The following SPG7 variants were observed in gnomAD, a reference collection of about 807,000 sequenced individuals.
The protein encoded by SPG7 is SPG7 matrix AAA peptidase subunit, paraplegin.
SPG7 carries 103 observed loss-of-function variants against 81.9 expected under a neutral mutation model. The observed-to-expected ratio is 1.26, with a 90% CI of 1.07 to 1.48. The LOEUF is 1.48. Ranked by LOEUF, SPG7 falls within the 40% of genes most tolerant of loss-of-function variation. The pLI, the probability that SPG7 is intolerant of heterozygous loss-of-function variation, is 0.00. For missense variants in SPG7, 1,241 were observed against 1,087.3 expected (o/e 1.14, Z -1.99); for synonymous variants, 534 against 444.2 (o/e 1.20, Z -2.54).
intron 9 of SPG7, among the ~76,000 whole-genome samples, chr16:89,534,661 G>A (rs1307491320): frequency 6.6e-6 from 1 of 152,220 alleles, no homozygotes; most frequent in Non-Finnish European, 1.5e-5. Context: ...TCAGCTAAGG[G>A]GGAGCTTGCT....
intron 1 of SPG7, among the ~76,000 whole-genome samples, chr16:89,509,791 T>C (rs1258851260): frequency 2.1e-5 from 3 of 143,320 alleles, no homozygotes; most frequent in Non-Finnish European, 3.1e-5. Flanking sequence ...TTCTTCTTTT[T>C]TTTTTTTTTT....
intron 6 of SPG7, 46 bp from the exon 7 acceptor site, chr16:89,530,637 T>C (rs746582545): frequency 1.5e-5 from 25 of 1,613,640 alleles, no homozygotes; most frequent in Middle Eastern, 1.7e-4. Flanking sequence ...GTGCTGCTGA[T>C]TTCCTGACTT....
At chr16:89,533,948 G>A (rs2058380010) in intron 9 of SPG7, among the ~76,000 whole-genome samples, 1 of 152,154 alleles carries the variant, frequency 6.6e-6, no homozygotes, top group Non-Finnish European at 1.5e-5. Context: ...GCTGTGCGAT[G>A]GTCTCGCCTG....
intron 3 of SPG7, chr16:89,522,947 A>C (rs977196572): frequency 2.2e-4 from 33 of 152,750 alleles, no homozygotes; most frequent in Non-Finnish European, 3.8e-4. Flanking sequence ...AGAGTGAGTG[A>C]GCGCCCGCTG....
rs778387199 is a variant in SPG7 at position 89,550,593 on chromosome 16, C to A, written c.1763C>A (p.Thr588Lys). The change falls in exon 13 of 17, where the codon ACG (threonine) becomes AAG (lysine). Residue 588 changes from threonine to lysine, a missense_variant. By Grantham distance (78) the Thr-to-Lys change is moderately conservative. Transcript: ENST00000645818. ...HALVGWMLEHTEAVMKVSITP... is the reference protein window; with the variant it reads ...HALVGWMLEHKEAVMKVSITP... ...TTGGTGGGCTGGATGCTGGAGCACACGGAGGCCGTGATGAAGGTGGGTCTT... is the reference window on the plus strand; with the variant it reads ...TTGGTGGGCTGGATGCTGGAGCACAAGGAGGCCGTGATGAAGGTGGGTCTT... 1 of 1,613,036 alleles carries A rather than the reference C, an allele frequency of 6.2e-7. No individual in the cohort carries two copies. The highest frequency in any genetic ancestry group is 1.7e-5 in the Admixed American group (1 of 60,026).
intron 6 of SPG7, 142 bp from the exon 7 acceptor site, chr16:89,530,541 C>G (rs2058327247): frequency 1.1e-6 from 1 of 899,232 alleles, no homozygotes; most frequent in East Asian, 2.4e-5. Context: ...TGAGCCTCGT[C>G]AGCCTGACAT....
chr16:89,536,575 G>A (rs1291541797), intron 9 of SPG7, among the ~76,000 whole-genome samples: 2 of 144,656 alleles, frequency 1.4e-5, no homozygotes, highest in Non-Finnish European at 3.0e-5. Context: ...GTGAGGTCAG[G>A]TGAGGCGGGT....
At chr16:89,547,013 T>C in intron 11 of SPG7, 1 of 463,660 alleles carries the variant, frequency 2.2e-6, no homozygotes. Flanking sequence ...TTTCCAGAGA[T>C]AGTGGAGTTA....
At chr16:89,544,320 G>A (rs186358009) in intron 9 of SPG7, 4 of 375,136 alleles carry the variant, frequency 1.1e-5, no homozygotes, top group Admixed American at 7.4e-5. Context: ...CAGGGCGGTG[G>A]GGGGTGGGGG....
chr16:89,528,425 G>T (rs1021466158), intron 5 of SPG7, among the ~76,000 whole-genome samples: 5 of 151,050 alleles, frequency 3.3e-5, no homozygotes, highest in African/African-American at 1.2e-4. Context: ...GAAGATGGAG[G>T]TTTGGGGCAG....
At chr16:89,523,932 G>A (rs1015336330) in intron 3 of SPG7, 74 bp from the exon 4 acceptor site, 13 of 1,588,458 alleles carry the variant, frequency 8.2e-6, no homozygotes, top group Non-Finnish European at 1.1e-5. Context: ...GAGCTTTCCT[G>A]AGGAAGCTCT....
chr16:89,532,805 C>G (rs375562164), intron 9 of SPG7, 169 bp downstream of exon 9: 1 of 809,090 alleles, frequency 1.2e-6, no homozygotes, highest in Non-Finnish European at 2.0e-6. Flanking sequence ...GCTTTCAGAC[C>G]CGGCGCAGTG....
chr16:89,512,821 T>G, intron 2 of SPG7, 127 bp from the exon 3 acceptor site: 1 of 870,102 alleles, frequency 1.1e-6, no homozygotes, highest in Non-Finnish European at 1.9e-6. Context: ...ATAAATCTTA[T>G]GGATATAAGT....
chr16:89,532,804 C>T, intron 9 of SPG7, 168 bp downstream of exon 9: 1 of 827,374 alleles, frequency 1.2e-6, no homozygotes, highest in Admixed American at 2.1e-5. Flanking sequence ...AGCTTTCAGA[C>T]CCGGCGCAGT....
At chr16:89,524,864 C>T (rs963744536) in intron 4 of SPG7, among the ~76,000 whole-genome samples, 1 of 151,920 alleles carries the variant, frequency 6.6e-6, no homozygotes, top group Admixed American at 6.6e-5. Context: ...GGCCCACCCC[C>T]GGGTCTGGAA....
intron 10 of SPG7, 29 bp downstream of exon 10, chr16:89,544,801 C>A: frequency 6.2e-7 from 1 of 1,613,396 alleles, no homozygotes; most frequent in Non-Finnish European, 8.5e-7. Flanking sequence ...GCCTCTCCCA[C>A]TCCACCTGGG....
In SPG7 at chr16:89,557,529, G is replaced by GGCGACCA; in HGVS notation, c.*436_*437insGCGACCA. The GGCGACCA allele has an allele frequency of 6.3e-5, 14 of 223,480 alleles. No homozygotes were observed. Among genetic ancestry groups the GGCGACCA allele is most frequent in the Admixed American group, 1.6e-4 (3 of 19,112 alleles). 13.8% of individuals were successfully genotyped at this position (223,480 alleles called of 1,614,324 possible). On this transcript the variant is annotated 3_prime_UTR_variant, in exon 17 of 17. Transcript: ENST00000645818. ...GATCGGACATGAAAGGACCCTGTGAGCCGATTGTCCTATCTCCAGCGGCCC... is the reference window on the plus strand; with the variant it reads ...GATCGGACATGAAAGGACCCTGTGAGGCGACCACCGATTGTCCTATCTCCAGCGGCCC...
At chr16:89,556,812 T>C in intron 16 of SPG7, 75 bp from the exon 17 acceptor site, 1 of 1,239,448 alleles carries the variant, frequency 8.1e-7, no homozygotes, top group Non-Finnish European at 1.2e-6. Context: ...CTCACGCCTC[T>C]TGCCACCTCC....
chr16:89,516,379 TAAA>T (rs1168219947), intron 3 of SPG7, among the ~76,000 whole-genome samples: 2 of 149,062 alleles, frequency 1.3e-5, no homozygotes, highest in Non-Finnish European at 3.0e-5. Context: ...CCTTGTCTAC[TAAA>T]AATACCAAAA....
Sources: gnomAD v4.1 joint callset for allele counts (sites outside exome capture counted in the v4.1 genomes callset) on GRCh38, gnomAD v4.1.1 for gene constraint, MANE v1.5 for transcripts, NCBI Gene and HGNC (gene_info 2026-07-23, HGNC 2026-07-21) for gene names.